CFAP299: variants seen among roughly 807,000 people sequenced by gnomAD.
CFAP299 encodes the protein cilia and flagella associated protein 299, also known as cilia- and flagella-associated protein 299.
A neutral mutation model predicts 27.0 loss-of-function variants in CFAP299; 21 were observed. The observed-to-expected ratio is 0.78, with a 90% CI of 0.55 to 1.12. CFAP299 has a LOEUF of 1.12. Among genes scored for constraint, CFAP299 ranks in the 50% most tolerant of loss-of-function variants. The pLI, the probability that CFAP299 is intolerant of heterozygous loss-of-function variation, is 0.00. For synonymous variants in CFAP299, 104 were observed against 98.1 expected (o/e 1.06, Z -0.36); for missense variants, 310 against 276.6 (o/e 1.12, Z -0.86).
intron 2 of CFAP299, among the ~76,000 whole-genome samples, chr4:80,405,407 T>C (rs1219866784): frequency 1.3e-5 from 2 of 152,196 alleles, no homozygotes; most frequent in Non-Finnish European, 2.9e-5. Context: ...TGCTTTTGAT[T>C]TTCTCTTTAT....
At chr4:80,693,250 A>G (rs892511936) in intron 3 of CFAP299, among the ~76,000 whole-genome samples, 3 of 152,104 alleles carry the variant, frequency 2.0e-5, no homozygotes, top group Non-Finnish European at 4.4e-5. Context: ...ATGTACACGT[A>G]TGTTTATTGT....
At chr4:80,590,395 T>A (rs1183637349) in intron 3 of CFAP299, among the ~76,000 whole-genome samples, 2 of 152,218 alleles carry the variant, frequency 1.3e-5, no homozygotes, top group South Asian at 2.1e-4. Context: ...TACTAGCACT[T>A]TGGAAGGCCG....
rs1000200040 is a variant in CFAP299 at position 80,948,683 on chromosome 4, A to AAT, written c.606+3755_606+3756dup. Among the ~76,000 whole-genome samples the AAT allele has an allele frequency of 6.6e-5, 10 of 152,010 alleles. 1 individual carries two copies. Among genetic ancestry groups the AAT allele is most frequent in the African/African-American group, 2.4e-4 (10 of 41,482 alleles). Reference sequence around the variant, plus strand: ...AGATTGTATACAATAGTTACAACAAAATATATATATATTTCTTAGTTACAC... The same window carrying AAT: ...AGATTGTATACAATAGTTACAACAAAATATATATATATATTTCTTAGTTACAC... On this transcript the variant is annotated intron_variant, in intron 5 of 5. Coordinates refer to ENST00000358105, the MANE Select transcript of CFAP299 (RefSeq NM_152770.3).
the CFAP299 span, among the ~76,000 whole-genome samples, chr4:80,324,428 C>T: frequency 6.6e-5 from 10 of 152,128 alleles, no homozygotes; most frequent in South Asian, 4.1e-4. Flanking sequence ...CGTAAAACTA[C>T]ATAGTAAAAG....
At chr4:80,752,174 G>A (rs1724970761) in intron 3 of CFAP299, among the ~76,000 whole-genome samples, 2 of 151,964 alleles carry the variant, frequency 1.3e-5, no homozygotes, top group South Asian at 2.1e-4. Context: ...CTCCCCGGTA[G>A]GCCATCTCCT....
chr4:80,637,508 G>A (rs964110907), intron 3 of CFAP299, among the ~76,000 whole-genome samples: 1 of 152,082 alleles, frequency 6.6e-6, no homozygotes, highest in Non-Finnish European at 1.5e-5. Context: ...GTAATAACAA[G>A]GTGGTCAGTC....
chr4:80,633,398 A>G (rs957779117), intron 3 of CFAP299, among the ~76,000 whole-genome samples: 3 of 152,088 alleles, frequency 2.0e-5, no homozygotes, highest in Non-Finnish European at 4.4e-5. Context: ...GAGTGTCACG[A>G]GTGGAGTGTC....
intron 3 of CFAP299, among the ~76,000 whole-genome samples, chr4:80,817,725 C>CTT (rs34113155): frequency 1.0e-3 from 151 of 150,242 alleles, no homozygotes; most frequent in African/African-American, 3.0e-3. Flanking sequence ...GTACAAACAA[C>CTT]TTTTTTTTTT....
intron 2 of CFAP299, among the ~76,000 whole-genome samples, chr4:80,406,520 A>G (rs2110055955): frequency 6.6e-6 from 1 of 152,178 alleles, no homozygotes; most frequent in African/African-American, 2.4e-5. Context: ...TCATGCCACC[A>G]CACCCAGCTC....
At chr4:80,470,722 T>TTTTGA (rs759454124) in intron 2 of CFAP299, among the ~76,000 whole-genome samples, 7 of 152,018 alleles carry the variant, frequency 4.6e-5, no homozygotes, top group Non-Finnish European at 1.0e-4. Context: ...TTCAGAAGGG[T>TTTTGA]TTTGTTTTGT....
chr4:80,920,095 C>T (rs1298604046), intron 4 of CFAP299, among the ~76,000 whole-genome samples: 1 of 152,042 alleles, frequency 6.6e-6, no homozygotes, highest in Non-Finnish European at 1.5e-5. Context: ...GAAGTTTTGT[C>T]TACTCTTGTA....
In CFAP299 at chr4:80,918,093, T is replaced by C. The variant is rs1156400827; in HGVS notation, c.477-26717T>C. On this transcript the variant is annotated intron_variant, in intron 4 of 5. Coordinates refer to ENST00000358105, the MANE Select transcript of CFAP299 (RefSeq NM_152770.3). The stretch of plus-strand genomic sequence containing the variant: ...AAACATTTCTAAAATCCTTTTAAGA[T>C]AGGAAGATACCAATCAAGCATGATT... 2.6e-5 allele frequency among the ~76,000 whole-genome samples: 4 copies of C among 152,292 alleles called. No homozygotes were observed. In the East Asian group the frequency reaches 7.7e-4, roughly 29 times the overall value.
rs577236733 is a variant in CFAP299, at chr4:80,496,752, A to G, written c.243-86341A>G. Among the ~76,000 whole-genome samples, 8 of 152,284 alleles carry G rather than the reference A, an allele frequency of 5.3e-5. No homozygotes were observed. The East Asian group carries it at 9.7e-4, about 18-fold the overall frequency. On this transcript the variant is annotated intron_variant, in intron 2 of 5. Transcript: ENST00000358105. ...CCAGAGACTGGGTAATTCATAAAGA[A>G]AAGAGGTTTAATTGGCATACCATTC... is the stretch of plus-strand genomic sequence containing the variant.
intron 3 of CFAP299, among the ~76,000 whole-genome samples, chr4:80,604,415 C>T (rs1253644228): frequency 6.6e-6 from 1 of 152,118 alleles, no homozygotes; most frequent in African/African-American, 2.4e-5. Flanking sequence ...GGTCCCTGGG[C>T]ATCAGTCCAG....
chr4:80,626,053 CCAA>C (rs1414116775), intron 3 of CFAP299, among the ~76,000 whole-genome samples: 1 of 151,744 alleles, frequency 6.6e-6, no homozygotes, highest in Non-Finnish European at 1.5e-5. Context: ...AAATATATGC[CCAA>C]CATTTCACCC....
At chr4:80,465,237 T>C (rs762263192) in intron 2 of CFAP299, among the ~76,000 whole-genome samples, 4 of 152,220 alleles carry the variant, frequency 2.6e-5, no homozygotes, top group Non-Finnish European at 4.4e-5. Context: ...TATATGATAC[T>C]GTAATTTGGA....
At chr4:80,866,095 A>ATATATATATATATATATC (rs1243634550) in intron 3 of CFAP299, among the ~76,000 whole-genome samples, 1 of 126,492 alleles carries the variant, frequency 7.9e-6, no homozygotes, top group Non-Finnish European at 1.7e-5. Context: ...ATATATATAT[A>ATATATATATATATATATC]TCTTCCCAAA....
chr4:80,804,788 A>T (rs1184748136), intron 3 of CFAP299, among the ~76,000 whole-genome samples: 3 of 152,120 alleles, frequency 2.0e-5, no homozygotes, highest in South Asian at 2.1e-4. Flanking sequence ...AGTTTTACAG[A>T]TAGGATTAAT....
intron 2 of CFAP299, among the ~76,000 whole-genome samples, chr4:80,561,153 G>A (rs1023356171): frequency 3.9e-5 from 6 of 152,134 alleles, no homozygotes; most frequent in Admixed American, 3.9e-4. Context: ...TGTAAGAGAA[G>A]AGAACAACAG....
Sources: allele counts gnomAD v4.1 joint callset (sites outside exome capture counted in the v4.1 genomes callset), GRCh38; gene constraint gnomAD v4.1.1; transcripts MANE v1.5; gene names NCBI Gene and HGNC (gene_info 2026-07-23, HGNC 2026-07-21).